Variants in SORCS3 observed in about 807,000 individuals in gnomAD.
SORCS3 encodes VPS10 domain-containing receptor SorCS3.
SORCS3 carries 57 observed loss-of-function variants against 146.3 expected under a neutral mutation model. The observed-to-expected ratio is 0.39, with a 90% CI of 0.31 to 0.49. The LOEUF is 0.49. Among genes scored for constraint, SORCS3 ranks in the 20% least tolerant of loss-of-function variants. The pLI, the probability that SORCS3 is intolerant of heterozygous loss-of-function variation, is 0.92. For missense variants in SORCS3, 1,341 were observed against 1,575.5 expected (o/e 0.85, Z 2.52); for synonymous variants, 653 against 618.5 (o/e 1.06, Z -0.83).
chr10:104,993,454 G>T (rs894961353), intron 4 of SORCS3, among the ~76,000 whole-genome samples: 1 of 152,246 alleles, frequency 6.6e-6, no homozygotes, highest in East Asian at 1.9e-4. Flanking sequence ...GTTTGGTAGA[G>T]ATACCAGGGT....
chr10:105,160,787 C>T (rs954596456), intron 11 of SORCS3, among the ~76,000 whole-genome samples: 1 of 152,118 alleles, frequency 6.6e-6, no homozygotes, highest in Non-Finnish European at 1.5e-5. Context: ...TCCATAAATC[C>T]GATGCATGCA....
At chr10:104,906,562 C>A (rs753460088) in intron 2 of SORCS3, among the ~76,000 whole-genome samples, 1 of 152,176 alleles carries the variant, frequency 6.6e-6, no homozygotes, top group South Asian at 2.1e-4. Context: ...CACAAAAGCC[C>A]TAAGAACACA....
At chr10:105,063,660 A>G (rs2133720240) in intron 5 of SORCS3, among the ~76,000 whole-genome samples, 1 of 152,280 alleles carries the variant, frequency 6.6e-6, no homozygotes, top group Admixed American at 6.5e-5. Flanking sequence ...TTGACTGACA[A>G]TAATTGTTTG....
chr10:105,168,364 C>G (rs2056332377), intron 13 of SORCS3, among the ~76,000 whole-genome samples: 1 of 152,108 alleles, frequency 6.6e-6, no homozygotes, highest in South Asian at 2.1e-4. Flanking sequence ...ATGACGACAA[C>G]TTGTTGCTGT....
intron 2 of SORCS3, among the ~76,000 whole-genome samples, chr10:104,870,515 C>T (rs1381391275): frequency 6.6e-6 from 1 of 152,126 alleles, no homozygotes; most frequent in Admixed American, 6.5e-5. Flanking sequence ...CCACCCCTTG[C>T]ACCTCAGCAT....
In SORCS3 at chr10:105,201,486, G is replaced by A. The variant is rs545992886; in HGVS notation, c.2261+233G>A. Among the ~76,000 whole-genome samples the A allele has an allele frequency of 2.6e-5, 4 of 151,954 alleles. No individual in the cohort carries two copies. In the South Asian group the frequency reaches 8.3e-4, roughly 32 times the overall value. ...AGAGAGTCACTGATCTATCAGAGCA[G>A]CATCTCTCAGGGGGCTTCTTCTCAT... On this transcript the variant is annotated intron_variant, in intron 16 of 26. Transcript: ENST00000369701.
chr10:104,935,880 AGAG>A (rs1472555404), intron 3 of SORCS3, among the ~76,000 whole-genome samples: 3 of 152,152 alleles, frequency 2.0e-5, no homozygotes, highest in African/African-American at 7.2e-5. Context: ...ATGTGGTGGC[AGAG>A]GAGGAGGGAA....
chr10:104,961,885 C>T (rs927513859), intron 3 of SORCS3, among the ~76,000 whole-genome samples: 1 of 152,116 alleles, frequency 6.6e-6, no homozygotes, highest in African/African-American at 2.4e-5. Context: ...ATTTATTGAG[C>T]ACGTTCTTCA....
chr10:104,775,982 C>G lies in SORCS3; in HGVS notation c.628-66810C>G, dbSNP rs76695867. On this transcript the variant is annotated intron_variant, in intron 1 of 26. Transcript: ENST00000369701. The stretch of plus-strand genomic sequence containing the variant: ...TTATTAAAGAGGCAGAAATTGAACA[C>G]TTGTTGGTGTTGAGCACTAAGGGTC... Among the ~76,000 whole-genome samples, 105 of 152,254 alleles carry G rather than the reference C, an allele frequency of 6.9e-4. No homozygotes were observed. In the East Asian group the frequency reaches 0.018, roughly 25 times the overall value.
intron 7 of SORCS3, among the ~76,000 whole-genome samples, chr10:105,125,439 G>C (rs751603508): frequency 7.9e-5 from 12 of 152,110 alleles, no homozygotes; most frequent in Non-Finnish European, 4.4e-5. Flanking sequence ...ATTTTCCCAA[G>C]ACGACACAGC....
chr10:104,703,096 C>A (rs2016299514), intron 1 of SORCS3, among the ~76,000 whole-genome samples: 1 of 152,154 alleles, frequency 6.6e-6, no homozygotes, highest in African/African-American at 2.4e-5. Context: ...CCATTTTAAA[C>A]AAATAGCATC....
chr10:105,156,418 C>T (rs141252574), intron 9 of SORCS3, among the ~76,000 whole-genome samples: 159 of 152,280 alleles, frequency 1.0e-3, no homozygotes, highest in African/African-American at 3.6e-3. Flanking sequence ...AATCCTCTAG[C>T]GGCTTGTTTT....
At position 104,820,208 on chromosome 10, in the gene SORCS3, C is replaced by T. The variant is rs116009847; in HGVS notation, c.628-22584C>T. ...AGAATATATTAGGTGCTGCCATTTA[C>T]GTGTCGTGGGATTTTGCTTGGTTAC... On this transcript the variant is annotated intron_variant, in intron 1 of 26. Transcript: ENST00000369701. 6.7e-3 allele frequency among the ~76,000 whole-genome samples: 1,013 copies of T among 152,198 alleles called. 11 individuals are homozygous for T. Among genetic ancestry groups the T allele is most frequent in the African/African-American group, 0.023 (958 of 41,526 alleles).
intron 20 of SORCS3, among the ~76,000 whole-genome samples, chr10:105,243,813 T>G (rs2056850657): frequency 1.3e-5 from 2 of 152,198 alleles, no homozygotes; most frequent in Admixed American, 1.3e-4. Context: ...CAGAAGAAAT[T>G]AAATTATTGT....
intron 4 of SORCS3, among the ~76,000 whole-genome samples, chr10:104,984,175 G>T (rs1225548418): frequency 6.6e-6 from 1 of 152,152 alleles, no homozygotes; most frequent in Non-Finnish European, 1.5e-5. Context: ...GGTAGCAAGG[G>T]AGGTAAACAA....
At chr10:105,209,435 G>A (rs770668806) in intron 16 of SORCS3, among the ~76,000 whole-genome samples, 2 of 152,072 alleles carry the variant, frequency 1.3e-5, no homozygotes, top group African/African-American at 4.8e-5. Context: ...GAACCACTGT[G>A]CCCAGCTGCA....
At chr10:104,708,556 A>G (rs750753612) in intron 1 of SORCS3, among the ~76,000 whole-genome samples, 8 of 152,330 alleles carry the variant, frequency 5.3e-5, no homozygotes, top group Middle Eastern at 3.4e-3. Context: ...ATTGCTTCTG[A>G]TAACTTGTTT....
In SORCS3 at chr10:105,264,224, G is replaced by C. The variant is rs1009427838; in HGVS notation, c.*850G>C. 1 of 150,536 alleles carries C rather than the reference G, an allele frequency of 6.6e-6. No homozygotes were observed. Among genetic ancestry groups the C allele is most frequent in the Non-Finnish European group, 1.5e-5 (1 of 67,740 alleles). The allele number at this position is 150,536 out of a possible 1,614,324, so 9.3% of individuals were successfully genotyped here. On this transcript the variant is annotated 3_prime_UTR_variant, in exon 27 of 27. Coordinates refer to ENST00000369701, the MANE Select transcript of SORCS3 (RefSeq NM_014978.3). ...ATCATAGAACATGGCAGTCGTTTTT[G>C]TTCCAAGAATGATATGAAAGGTGAA... is the stretch of plus-strand genomic sequence containing the variant.
chr10:105,229,075 G>C (rs2056752207), intron 20 of SORCS3, among the ~76,000 whole-genome samples: 1 of 151,846 alleles, frequency 6.6e-6, no homozygotes, highest in Admixed American at 6.6e-5. Flanking sequence ...TGTTTGAGTG[G>C]GTTATTTCCA....
Sources: gnomAD v4.1 joint callset for allele counts (sites outside exome capture counted in the v4.1 genomes callset) on GRCh38, gnomAD v4.1.1 for gene constraint, MANE v1.5 for transcripts, NCBI Gene and HGNC (gene_info 2026-07-23, HGNC 2026-07-21) for gene names.